Variants in VPS13B observed in about 807,000 individuals in gnomAD.
VPS13B encodes vacuolar protein sorting 13 homolog B.
VPS13B carries 285 observed loss-of-function variants against 426.4 expected under a neutral mutation model. The observed-to-expected ratio is 0.67, with a 90% CI of 0.61 to 0.74. The LOEUF (loss-of-function observed/expected upper bound fraction) is 0.74. VPS13B is among the 30% of genes least tolerant of loss of function. The pLI is 0.00. For synonymous variants in VPS13B, 1,676 were observed against 1,676.4 expected (o/e 1.00, Z 0.01); for missense variants, 4,537 against 4,782.6 (o/e 0.95, Z 1.51).
In VPS13B at chr8:99,131,284, A is replaced by G. The variant is rs532506572; in HGVS notation, c.1207-3348A>G. On this transcript the variant is annotated intron_variant, in intron 8 of 61. Coordinates refer to ENST00000357162, the MANE Select transcript of VPS13B (RefSeq NM_152564.5). ...TTGATGCATTACTGTTACATTTTGAACATTAATTGAATTTCATGATATGTT... is the reference window on the plus strand; with the variant it reads ...TTGATGCATTACTGTTACATTTTGAGCATTAATTGAATTTCATGATATGTT... Among the ~76,000 whole-genome samples the G allele has an allele frequency of 2.0e-5, 3 of 152,336 alleles. No individual in the cohort carries two copies. In the East Asian group the frequency reaches 5.8e-4, roughly 29 times the overall value.
At chr8:99,606,634 T>C (rs999744921) in intron 33 of VPS13B, among the ~76,000 whole-genome samples, 2 of 147,982 alleles carry the variant, frequency 1.4e-5, no homozygotes, top group South Asian at 2.1e-4. Context: ...CTTTTCTTTT[T>C]TTTTTTTTTT....
intron 43 of VPS13B, among the ~76,000 whole-genome samples, chr8:99,790,504 A>G (rs1204144978): frequency 6.6e-6 from 1 of 152,196 alleles, no homozygotes; most frequent in East Asian, 1.9e-4. Flanking sequence ...TATAGACATG[A>G]CATTGTCTAT....
chr8:99,803,292 C>T (rs1563923807), intron 43 of VPS13B, among the ~76,000 whole-genome samples: 1 of 152,142 alleles, frequency 6.6e-6, no homozygotes, highest in East Asian at 1.9e-4. Context: ...ATGCTAATTG[C>T]ACAGTATTTG....
chr8:99,339,537 G>T (rs762458522), intron 19 of VPS13B, among the ~76,000 whole-genome samples: 3 of 151,714 alleles, frequency 2.0e-5, no homozygotes, highest in Non-Finnish European at 4.4e-5. Flanking sequence ...CTCCCACCAG[G>T]CCCCACCTCC....
chr8:99,131,220 T>G (rs11986313), intron 8 of VPS13B, among the ~76,000 whole-genome samples: 2,494 of 152,284 alleles, frequency 0.016, 69 homozygotes, highest in African/African-American at 0.056. Context: ...CTTATTGTTA[T>G]GTTATCACAG....
chr8:99,171,785 A>G (rs1416621430), intron 16 of VPS13B, among the ~76,000 whole-genome samples: 2 of 152,074 alleles, frequency 1.3e-5, no homozygotes, highest in Non-Finnish European at 2.9e-5. Context: ...TTTCTTAATA[A>G]ATGTAAAAAA....
chr8:99,875,912 G>T lies in VPS13B; in HGVS notation c.*246G>T. On this transcript the variant is annotated 3_prime_UTR_variant, in exon 62 of 62. Coordinates refer to ENST00000357162, the MANE Select transcript of VPS13B (RefSeq NM_152564.5). The stretch of plus-strand genomic sequence containing the variant: ...TAACATCATCTGATATGGACACAAG[G>T]CCAACAGTTTCCTTATTTACATCCT... 1 of 531,482 alleles carries T rather than the reference G, an allele frequency of 1.9e-6. No individual in the cohort carries two copies. Among genetic ancestry groups the T allele is most frequent in the Non-Finnish European group, 3.4e-6 (1 of 297,302 alleles). The allele number at this position is 531,482 out of a possible 1,614,324, so 32.9% of individuals were successfully genotyped here. A position where few individuals can be genotyped will look rare whatever the true frequency, so the allele number is the denominator to read the frequency against.
At position 99,808,990 on chromosome 8, in the gene VPS13B, G is replaced by A. The variant is rs1275199873; in HGVS notation, c.7942-385G>A. On this transcript the variant is annotated intron_variant, in intron 43 of 61. Transcript: ENST00000357162. ...AAAAAAAACCCACAAACCAAATTTAGCTTTCATTACTGTCTAGCCATAAGA... is the reference window on the plus strand; with the variant it reads ...AAAAAAAACCCACAAACCAAATTTAACTTTCATTACTGTCTAGCCATAAGA... 2.0e-5 allele frequency among the ~76,000 whole-genome samples: 3 copies of A among 151,680 alleles called. No homozygotes were observed. In the East Asian group the frequency reaches 5.8e-4, roughly 29 times the overall value.
chr8:99,703,943 T>C (rs946763321), intron 36 of VPS13B, among the ~76,000 whole-genome samples: 1 of 152,010 alleles, frequency 6.6e-6, no homozygotes, highest in Non-Finnish European at 1.5e-5. Context: ...TATATGTAGA[T>C]AAGGAAAAGG....
chr8:99,066,232 C>T (rs773189391), intron 3 of VPS13B, among the ~76,000 whole-genome samples: 56 of 152,324 alleles, frequency 3.7e-4, no homozygotes, highest in South Asian at 8.3e-4. Context: ...GGAGGTATCA[C>T]GCTACCTGAC....
intron 24 of VPS13B, among the ~76,000 whole-genome samples, chr8:99,480,683 A>T (rs1201154187): frequency 6.6e-6 from 1 of 152,140 alleles, no homozygotes; most frequent in East Asian, 1.9e-4. Context: ...ACAGGAGAAA[A>T]TTGTACACCC....
At position 99,819,440 on chromosome 8, in the gene VPS13B, G is replaced by A; in HGVS notation, c.8650G>A (p.Val2884Ile). The A allele has an allele frequency of 1.2e-6, 2 of 1,613,760 alleles. No individual in the cohort carries two copies. The highest frequency in any genetic ancestry group is 1.7e-6 in the Non-Finnish European group (2 of 1,179,796). Reference sequence around the variant, plus strand: ...AGAATATGATCCTTCAGATTGTGCAGTTCCCATCTCAACATCCCTCATTAA... The same window carrying A: ...AGAATATGATCCTTCAGATTGTGCAATTCCCATCTCAACATCCCTCATTAA... Reference protein sequence around the residue: ...REEYDPSDCAVPISTSLIKQI... With the variant: ...REEYDPSDCAIPISTSLIKQI... The change falls in exon 48 of 62, where the codon GTT becomes ATT. Residue 2884 changes from valine (V) to isoleucine (I), a missense_variant. Coordinates refer to ENST00000357162, the MANE Select transcript of VPS13B (RefSeq NM_152564.5).
At chr8:99,245,848 T>C (rs1269849268) in intron 17 of VPS13B, among the ~76,000 whole-genome samples, 1 of 152,194 alleles carries the variant, frequency 6.6e-6, no homozygotes, top group Non-Finnish European at 1.5e-5. Context: ...CCAGCCCTGA[T>C]TTATTTTTTG....
At chr8:99,196,195 CATTT>C (rs887535565) in intron 17 of VPS13B, among the ~76,000 whole-genome samples, 3 of 151,782 alleles carry the variant, frequency 2.0e-5, no homozygotes, top group African/African-American at 7.3e-5. Context: ...AACATCTTTC[CATTT>C]ATTTGTGTTT....
intron 17 of VPS13B, among the ~76,000 whole-genome samples, chr8:99,205,940 C>T (rs958443748): frequency 6.6e-6 from 1 of 151,842 alleles, no homozygotes; most frequent in African/African-American, 2.4e-5. Flanking sequence ...GAAATTATAG[C>T]AAATATTGGA....
At chr8:99,674,196 C>T (rs1199263479) in intron 35 of VPS13B, among the ~76,000 whole-genome samples, 1 of 151,830 alleles carries the variant, frequency 6.6e-6, no homozygotes, top group Non-Finnish European at 1.5e-5. Context: ...TTAAAGTCCT[C>T]CACTATTATT....
At chr8:99,330,528 T>A (rs986388639) in intron 19 of VPS13B, among the ~76,000 whole-genome samples, 1 of 152,014 alleles carries the variant, frequency 6.6e-6, no homozygotes, top group East Asian at 1.9e-4. Flanking sequence ...GTTATCTTCC[T>A]GTCTTCCCTC....
chr8:99,085,067 A>G (rs967905661), intron 3 of VPS13B, among the ~76,000 whole-genome samples: 3 of 152,104 alleles, frequency 2.0e-5, no homozygotes, highest in Non-Finnish European at 2.9e-5. Context: ...AACATCTCCC[A>G]TTATTATTGT....
intron 33 of VPS13B, among the ~76,000 whole-genome samples, chr8:99,592,567 A>G (rs1826748440): frequency 6.6e-6 from 1 of 152,006 alleles, no homozygotes; most frequent in African/African-American, 2.4e-5. Context: ...AAACTTTTTA[A>G]AAATTCAAAT....
Sources: gnomAD v4.1 joint callset for allele counts (sites outside exome capture counted in the v4.1 genomes callset) on GRCh38, gnomAD v4.1.1 for gene constraint, MANE v1.5 for transcripts, NCBI Gene and HGNC (gene_info 2026-07-23, HGNC 2026-07-21) for gene names.